PWWP2A: variants seen among roughly 807,000 people sequenced by gnomAD.
PWWP2A encodes the protein PWWP domain containing 2A.
PWWP2A carries 18 observed loss-of-function variants against 48.5 expected under a neutral mutation model. The ratio of observed to expected loss-of-function variants is 0.37; its 90% CI spans 0.26 to 0.55. The LOEUF (loss-of-function observed/expected upper bound fraction) is 0.55. Among genes scored for constraint, PWWP2A ranks in the 20% least tolerant of loss-of-function variants. The probability of loss-of-function intolerance (pLI) is 0.81; values close to 1 mark genes in which losing one functional copy is unlikely to be tolerated. For missense variants in PWWP2A, 867 were observed against 976.4 expected (o/e 0.89, Z 1.49); for synonymous variants, 396 against 387.7 (o/e 1.02, Z -0.25).
intron 3 of PWWP2A, among the ~76,000 whole-genome samples, chr5:160,079,818 G>A (rs571877992): frequency 5.8e-4 from 88 of 152,226 alleles, no homozygotes; most frequent in Non-Finnish European, 1.1e-3. Context: ...CCACTCCTAC[G>A]CAGATAAGTG....
At chr5:160,087,892 T>C (rs1317212090), downstream of PWWP2A, among the ~76,000 whole-genome samples, 1 of 152,204 alleles carries the variant, frequency 6.6e-6, no homozygotes, top group Non-Finnish European at 1.5e-5. Flanking sequence ...TATATTAGTG[T>C]CAATTATCCA....
chr5:160,094,003 T>C lies in PWWP2A; in HGVS notation c.647A>G (p.Glu216Gly). 2 of 1,614,052 alleles carry C rather than the reference T, an allele frequency of 1.2e-6. No homozygotes were observed. The highest frequency in any genetic ancestry group is 8.5e-7 in the Non-Finnish European group (1 of 1,179,890). The stretch of plus-strand genomic sequence containing the variant: ...TGTATTACTTTGGAGCGGCATGGCT[T>C]CTGGTTTATCCTTATATTCCCTTTT... ...FPKREYKDKP[E>G]AMPLQSNTFQ... Residue 216 changes from glutamate (E) to glycine (G), a missense_variant, in exon 2 of 2, where the codon GAA becomes GGA. Coordinates refer to ENST00000307063, the MANE Select transcript of PWWP2A (RefSeq NM_001130864.2).
At chr5:160,117,150 GCTTT>G (rs998777667) in intron 1 of PWWP2A, among the ~76,000 whole-genome samples, 2 of 152,030 alleles carry the variant, frequency 1.3e-5, no homozygotes, top group African/African-American at 4.8e-5. Context: ...ACCTTATTCT[GCTTT>G]CTAATTATGA....
At chr5:160,086,776 T>C (rs915787652), downstream of PWWP2A, among the ~76,000 whole-genome samples, 3 of 152,170 alleles carry the variant, frequency 2.0e-5, no homozygotes, top group Non-Finnish European at 4.4e-5. Context: ...ACCACCATGT[T>C]CAGCCTCATA....
chr5:160,065,118 T>A, intron 4 of PWWP2A: 1 of 1,589,190 alleles, frequency 6.3e-7, no homozygotes, highest in South Asian at 1.1e-5. Context: ...CTGCTTGCTG[T>A]TAGCTAGGGG....
chr5:160,092,953 A>T lies in PWWP2A; in HGVS notation c.1697T>A (p.Val566Asp), dbSNP rs1425262840. The change falls in exon 2 of 2, where the codon GTT (valine) becomes GAT (aspartate). Residue 566 changes from valine (V) to aspartate (D), a missense_variant. This residue lies in a region of PWWP2A where 382 missense variants were observed against 407.2 expected (regional missense o/e 0.94). Coordinates refer to ENST00000307063, the MANE Select transcript of PWWP2A (RefSeq NM_001130864.2). ...GKKGSKNNIS[V>D]YMTLNQKKSD... ...TTTCTTTTGATTTAGGGTCATATAA[A>T]CAGAGATATTGTTTTTGCTGCCCTT... 6.4e-7 allele frequency: 1 copy of T among 1,552,210 alleles called. No homozygotes were observed. The highest frequency in any genetic ancestry group is 2.0e-5 in the Admixed American group (1 of 51,012).
rs761514542 is a variant in PWWP2A at position 160,078,126 on chromosome 5, TGGTACA to T, written c.*23_*28del. 6.5e-7 allele frequency: 1 copy of T among 1,546,022 alleles called. No individual in the cohort carries two copies. The highest frequency in any genetic ancestry group is 1.2e-5 in the South Asian group (1 of 84,184). ...TGCTCTGGTGTTCTCTGTGTCATTG[TGGTACA>T]GGTCCATGAAACCAGCAGCCTGCTA... is the stretch of plus-strand genomic sequence containing the variant. On this transcript the variant is annotated 3_prime_UTR_variant, in exon 4 of 4. Transcript: ENST00000456329. The surrounding 1 kb of genome is among the most constrained non-coding windows in gnomAD (Gnocchi z 4.2).
rs376629978 is a variant in PWWP2A, at chr5:160,093,062, G to A, written c.1588C>T (p.Pro530Ser). The change falls in exon 2 of 2, where the codon CCT becomes TCT. Residue 530 changes from proline (P) to serine (S), a missense_variant. This residue lies in a region of PWWP2A where 382 missense variants were observed against 407.2 expected (regional missense o/e 0.94). Coordinates refer to ENST00000307063, the MANE Select transcript of PWWP2A (RefSeq NM_001130864.2). This position sits in a 1 kb window ranked among gnomAD's most constrained non-coding sequence, Gnocchi z 5.8. The stretch of plus-strand genomic sequence containing the variant: ...TGAACCTCACTGCTGGCCTCTTCAG[G>A]GCCTTTTGAGGGACTCTGATTTTCT... ...PSENQSPSKG[P>S]EEASSEVQDT... 63 of 1,612,384 alleles carry A rather than the reference G, an allele frequency of 3.9e-5. No individual in the cohort carries two copies. Among genetic ancestry groups the A allele is most frequent in the Non-Finnish European group, 5.3e-5 (63 of 1,179,378 alleles).
At chr5:160,098,347 A>G (rs1033312528) in intron 1 of PWWP2A, among the ~76,000 whole-genome samples, 7 of 152,212 alleles carry the variant, frequency 4.6e-5, no homozygotes, top group African/African-American at 1.7e-4. Flanking sequence ...ATGCCTGGCA[A>G]AGCGGAAAAA....
the PWWP2A span, among the ~76,000 whole-genome samples, chr5:160,053,430 GGT>G: frequency 6.6e-6 from 1 of 152,034 alleles, no homozygotes; most frequent in African/African-American, 2.4e-5. Flanking sequence ...CAGGTGTGCT[GGT>G]GTGCACCTGT....
chr5:160,119,112 C>T lies in PWWP2A; in HGVS notation c.277G>A (p.Glu93Lys). The change falls in exon 1 of 2, where the codon GAG (glutamate) becomes AAG (lysine). Residue 93 changes from glutamate (E) to lysine (K), a missense_variant. Physicochemically the swap from Glu to Lys is moderately conservative, Grantham distance 56. Transcript: ENST00000307063. ...TCCGCCACCCGAACGGACAGTTTCTCCTCAGCCTCCAGCTCCGGCCCCACC... is the reference window on the plus strand; with the variant it reads ...TCCGCCACCCGAACGGACAGTTTCTTCTCAGCCTCCAGCTCCGGCCCCACC... Reference protein sequence around the residue: ...EAVGPELEAEEKLSVRVAESA... With the variant: ...EAVGPELEAEKKLSVRVAESA... The T allele has an allele frequency of 6.3e-7, 1 of 1,587,598 alleles. No individual in the cohort carries two copies. Among genetic ancestry groups the T allele is most frequent in the Non-Finnish European group, 8.5e-7 (1 of 1,175,916 alleles).
intron 2 of PWWP2A, among the ~76,000 whole-genome samples, chr5:160,085,594 C>T (rs1754570022): frequency 6.7e-6 from 1 of 150,178 alleles, no homozygotes; most frequent in Admixed American, 6.7e-5. Flanking sequence ...GCAACCTCTG[C>T]CTCCCGGGTT....
chr5:160,105,608 G>A (rs949093237), intron 1 of PWWP2A: 1 of 738,152 alleles, frequency 1.4e-6, no homozygotes, highest in African/African-American at 1.9e-5. Context: ...GCCAGAAGGG[G>A]ACTATAGGGA....
At chr5:160,113,095 T>C (rs773381376) in intron 1 of PWWP2A, 5 of 282,756 alleles carry the variant, frequency 1.8e-5, no homozygotes, top group Admixed American at 6.5e-5. Context: ...GAGATGGAGG[T>C]TGCAGTGAGC....
intron 1 of PWWP2A, among the ~76,000 whole-genome samples, chr5:160,111,361 T>A (rs1050760453): frequency 2.6e-5 from 4 of 152,004 alleles, no homozygotes; most frequent in African/African-American, 9.7e-5. Context: ...AGTGACAGGG[T>A]TTCATCATAT....
downstream of PWWP2A, among the ~76,000 whole-genome samples, chr5:160,074,957 AT>A (rs1753833152): frequency 6.6e-6 from 1 of 151,442 alleles, no homozygotes; most frequent in Non-Finnish European, 1.5e-5. Flanking sequence ...AAAAAAAAAA[AT>A]CTTTACTTGA....
At position 160,109,757 on chromosome 5, in the gene PWWP2A, G is replaced by GAAA. The variant is rs755988668; in HGVS notation, c.584+9045_584+9047dup. On this transcript the variant is annotated intron_variant, in intron 1 of 1. Transcript: ENST00000307063. Reference sequence around the variant, plus strand: ...AGGAAATGCAAGAGGATGCAACTGGGAAAAAAAAAAAAAAAAAATATATAT... The same window carrying GAAA: ...AGGAAATGCAAGAGGATGCAACTGGGAAAAAAAAAAAAAAAAAAAAATATATAT... 3.9e-4 allele frequency among the ~76,000 whole-genome samples: 21 copies of GAAA among 53,364 alleles called. 1 individual carries two copies. The highest frequency in any genetic ancestry group is 7.6e-4 in the African/African-American group (10 of 13,190). The allele number at this position is 53,364 out of a possible 152,430, so 35.0% of individuals were successfully genotyped here. A position where few individuals can be genotyped will look rare whatever the true frequency, so the allele number is the denominator to read the frequency against.
downstream of PWWP2A, among the ~76,000 whole-genome samples, chr5:160,075,685 C>T (rs979680900): frequency 5.1e-5 from 5 of 97,726 alleles, no homozygotes; most frequent in Admixed American, 9.9e-5. Context: ...CTCCATCCTT[C>T]GTCATAAAGA....
At chr5:160,094,978 G>GT (rs2113544874) in intron 1 of PWWP2A, among the ~76,000 whole-genome samples, 1 of 135,964 alleles carries the variant, frequency 7.4e-6, no homozygotes, top group Non-Finnish European at 1.5e-5. Flanking sequence ...AACCCAAGAG[G>GT]CAGAGCTTGC....
Sources: allele counts gnomAD v4.1 joint callset (sites outside exome capture counted in the v4.1 genomes callset), GRCh38; gene constraint gnomAD v4.1.1; regional missense constraint gnomAD v4.1.1; non-coding constraint Gnocchi (gnomAD v3.1); transcripts MANE v1.5; gene names NCBI Gene and HGNC (gene_info 2026-07-23, HGNC 2026-07-21).